The following SYNPR variants were observed in gnomAD, a reference collection of about 807,000 sequenced individuals.
SYNPR encodes synaptoporin.
A neutral mutation model predicts 32.9 loss-of-function variants in SYNPR; 23 were observed. That is an observed-to-expected ratio of 0.70 (90% CI 0.50 to 0.99). The LOEUF (loss-of-function observed/expected upper bound fraction) is 0.99, where lower values mean the gene tolerates loss of function less well. Ranked by LOEUF, SYNPR falls within the 50% of genes least tolerant of loss-of-function variation. SYNPR has a pLI of 0.00. For synonymous variants in SYNPR, 146 were observed against 135.9 expected, an observed-to-expected ratio of 1.07 and a Z score of -0.52; for missense variants, 318 against 349.3, an observed-to-expected ratio of 0.91 and a Z score of 0.71.
At chr3:63,231,070 G>T (rs2086163357) in intron 1 of SYNPR, among the ~76,000 whole-genome samples, 1 of 152,126 alleles carries the variant, frequency 6.6e-6, no homozygotes, top group South Asian at 2.1e-4. Flanking sequence ...AGTACAATTA[G>T]CAATTACAAA....
intron 2 of SYNPR, among the ~76,000 whole-genome samples, chr3:63,341,929 T>TCAC (rs1373584245): frequency 6.6e-6 from 1 of 152,224 alleles, no homozygotes; most frequent in Non-Finnish European, 1.5e-5. Flanking sequence ...TAGAAAGCCA[T>TCAC]CACCCAATCC....
At chr3:63,285,765 T>C (rs1055604381) in intron 2 of SYNPR, among the ~76,000 whole-genome samples, 1 of 152,204 alleles carries the variant, frequency 6.6e-6, no homozygotes, top group South Asian at 2.1e-4. Flanking sequence ...CTTTGTTACC[T>C]TGGGCAAGTT....
intron 2 of SYNPR, among the ~76,000 whole-genome samples, chr3:63,325,649 A>G (rs2087158092): frequency 6.6e-6 from 1 of 151,936 alleles, no homozygotes; most frequent in Non-Finnish European, 1.5e-5. Flanking sequence ...CACACTCCAA[A>G]TGGAGACTGA....
At chr3:63,533,596 A>G (rs1702148993) in intron 3 of SYNPR, among the ~76,000 whole-genome samples, 1 of 152,154 alleles carries the variant, frequency 6.6e-6, no homozygotes, top group African/African-American at 2.4e-5. Context: ...CATTCACATA[A>G]TGAAAGGGAA....
intron 1 of SYNPR, among the ~76,000 whole-genome samples, chr3:63,249,535 T>C (rs757136982): frequency 2.6e-5 from 4 of 152,020 alleles, no homozygotes; most frequent in Admixed American, 6.6e-5. Flanking sequence ...ACAATGGACT[T>C]TGGGGAATTA....
chr3:63,397,657 G>A (rs939892776), intron 2 of SYNPR, among the ~76,000 whole-genome samples: 2 of 152,096 alleles, frequency 1.3e-5, no homozygotes, highest in African/African-American at 4.8e-5. Flanking sequence ...ATATGGTGCA[G>A]AAGAAAGACT....
chr3:63,365,594 G>T (rs1427237223), intron 2 of SYNPR, among the ~76,000 whole-genome samples: 4 of 152,118 alleles, frequency 2.6e-5, no homozygotes, highest in African/African-American at 4.8e-5. Context: ...ATATCACAAG[G>T]ATATAGTTCT....
chr3:63,589,254 A>G (rs1703261217), intron 4 of SYNPR, among the ~76,000 whole-genome samples: 1 of 151,846 alleles, frequency 6.6e-6, no homozygotes, highest in African/African-American at 2.4e-5. Flanking sequence ...GCTGTTCAGT[A>G]CTCCCCAGAT....
At chr3:63,260,127 T>C (rs1315671810) in intron 2 of SYNPR, among the ~76,000 whole-genome samples, 1 of 152,140 alleles carries the variant, frequency 6.6e-6, no homozygotes, top group Non-Finnish European at 1.5e-5. Flanking sequence ...ATCAACATTG[T>C]GAAAATGGCC....
chr3:63,465,898 C>A (rs1440753199), intron 2 of SYNPR, among the ~76,000 whole-genome samples: 1 of 151,696 alleles, frequency 6.6e-6, no homozygotes, highest in Admixed American at 6.6e-5. Context: ...TCCCTTAAGA[C>A]CTTTTTGGTT....
chr3:63,459,941 CT>C (rs1700550574), intron 2 of SYNPR, among the ~76,000 whole-genome samples: 1 of 152,036 alleles, frequency 6.6e-6, no homozygotes, highest in African/African-American at 2.4e-5. Context: ...TCCATTTTCC[CT>C]CCACAATTTC....
chr3:63,461,335 G>T (rs1700581725), intron 2 of SYNPR, among the ~76,000 whole-genome samples: 1 of 152,144 alleles, frequency 6.6e-6, no homozygotes, highest in Middle Eastern at 3.4e-3. Flanking sequence ...ACATTACCCA[G>T]CTCCTCCTAC....
At chr3:63,517,630 T>C (rs1701825592) in intron 3 of SYNPR, among the ~76,000 whole-genome samples, 1 of 152,188 alleles carries the variant, frequency 6.6e-6, no homozygotes, top group Non-Finnish European at 1.5e-5. Context: ...TTTAAGAATC[T>C]GAGAAAAGCT....
At chr3:63,572,369 CAA>C (rs1408964979) in intron 4 of SYNPR, among the ~76,000 whole-genome samples, 1 of 152,018 alleles carries the variant, frequency 6.6e-6, no homozygotes, top group African/African-American at 2.4e-5. Flanking sequence ...TGAGATTATT[CAA>C]AGTCTTCTGT....
chr3:63,333,016 C>G (rs1057193133), intron 2 of SYNPR, among the ~76,000 whole-genome samples: 3 of 151,996 alleles, frequency 2.0e-5, no homozygotes, highest in African/African-American at 7.3e-5. Context: ...GATACTGTCT[C>G]CTAGGAGACA....
chr3:63,236,162 C>A (rs2086199079), intron 1 of SYNPR, among the ~76,000 whole-genome samples: 2 of 151,276 alleles, frequency 1.3e-5, no homozygotes, highest in Non-Finnish European at 2.9e-5. Flanking sequence ...GCTTTTTTGC[C>A]TCTGTCAAAA....
At chr3:63,376,968 G>T (rs1027400938) in intron 2 of SYNPR, among the ~76,000 whole-genome samples, 1 of 151,982 alleles carries the variant, frequency 6.6e-6, no homozygotes, top group Non-Finnish European at 1.5e-5. Flanking sequence ...TGCCAACATT[G>T]TATTTTTATT....
At chr3:63,345,178 T>C (rs1249796955) in intron 2 of SYNPR, among the ~76,000 whole-genome samples, 9 of 152,230 alleles carry the variant, frequency 5.9e-5, no homozygotes, top group Admixed American at 5.9e-4. Context: ...CACATAATTT[T>C]AATCTCGTGA....
intron 2 of SYNPR, among the ~76,000 whole-genome samples, chr3:63,359,738 C>G (rs562677459): frequency 9.9e-5 from 15 of 152,248 alleles, no homozygotes; most frequent in South Asian, 2.1e-4. Flanking sequence ...CCCAGCTCTG[C>G]CCCTTATTAT....
Sources: gnomAD v4.1 joint callset for allele counts (sites outside exome capture counted in the v4.1 genomes callset) on GRCh38, gnomAD v4.1.1 for gene constraint, MANE v1.5 for transcripts, NCBI Gene and HGNC (gene_info 2026-07-23, HGNC 2026-07-21) for gene names.